The following GALNTL6 variants were observed in gnomAD, a reference collection of about 807,000 sequenced individuals.
The protein encoded by GALNTL6 is polypeptide N-acetylgalactosaminyltransferase like 6, also known as polypeptide N-acetylgalactosaminyltransferase-like 6.
Under a neutral mutation model 73.7 loss-of-function variants are expected in GALNTL6, and 46 were observed. The ratio of observed to expected loss-of-function variants is 0.62; its 90% CI spans 0.49 to 0.80. GALNTL6 has a LOEUF of 0.80. Ranked by LOEUF, GALNTL6 falls within the 30% of genes least tolerant of loss-of-function variation. The pLI, the probability that GALNTL6 is intolerant of heterozygous loss-of-function variation, is 0.00. For synonymous variants in GALNTL6, 259 were observed against 263.7 expected (o/e 0.98, Z 0.17); for missense variants, 604 against 755.0 (o/e 0.80, Z 2.34).
intron 5 of GALNTL6, among the ~76,000 whole-genome samples, chr4:172,764,683 T>TA (rs201524963): frequency 5.0e-4 from 75 of 151,330 alleles, no homozygotes; most frequent in Admixed American, 9.2e-4. Flanking sequence ...CACCTGAAAG[T>TA]AAAAAAAAAT....
chr4:172,464,493 A>AG (rs1484180735), intron 5 of GALNTL6, among the ~76,000 whole-genome samples: 3 of 152,022 alleles, frequency 2.0e-5, no homozygotes, highest in Non-Finnish European at 2.9e-5. Flanking sequence ...GGGTCACCTG[A>AG]GGTCAGGAGT....
intron 10 of GALNTL6, among the ~76,000 whole-genome samples, chr4:172,955,166 G>A (rs1483512094): frequency 6.6e-6 from 1 of 152,134 alleles, no homozygotes; most frequent in Non-Finnish European, 1.5e-5. Context: ...TCTAACTCTA[G>A]GTGGGTAATA....
chr4:171,956,247 T>C (rs955855596), intron 2 of GALNTL6, among the ~76,000 whole-genome samples: 4 of 152,150 alleles, frequency 2.6e-5, no homozygotes, highest in African/African-American at 9.7e-5. Context: ...TAAACCAATC[T>C]GCCCACTCTC....
At chr4:172,792,918 G>A (rs1188731787) in intron 5 of GALNTL6, among the ~76,000 whole-genome samples, 1 of 151,234 alleles carries the variant, frequency 6.6e-6, no homozygotes, top group Non-Finnish European at 1.5e-5. Flanking sequence ...TCAGAATTTT[G>A]TATGTCTCTA....
intron 5 of GALNTL6, among the ~76,000 whole-genome samples, chr4:172,452,029 T>A (rs1287566958): frequency 6.6e-6 from 1 of 152,056 alleles, no homozygotes; most frequent in Non-Finnish European, 1.5e-5. Flanking sequence ...ATAAATAAAA[T>A]TTTAAAAGTT....
chr4:172,264,744 A>G (rs1738394627), intron 3 of GALNTL6, among the ~76,000 whole-genome samples: 1 of 150,284 alleles, frequency 6.7e-6, no homozygotes, highest in African/African-American at 2.4e-5. Context: ...ATTTATACAG[A>G]ATGATGTTTA....
chr4:172,530,129 A>G (rs1735120425), intron 5 of GALNTL6, among the ~76,000 whole-genome samples: 1 of 152,008 alleles, frequency 6.6e-6, no homozygotes, highest in Non-Finnish European at 1.5e-5. Flanking sequence ...CTATAAGCCT[A>G]GAGCTCACTG....
At chr4:172,138,477 C>A (rs868474166) in intron 2 of GALNTL6, among the ~76,000 whole-genome samples, 1 of 8,688 alleles carries the variant, frequency 1.2e-4, no homozygotes, top group Non-Finnish European at 2.1e-4. Context: ...CTTGGACTGC[C>A]TATATATATA....
intron 2 of GALNTL6, among the ~76,000 whole-genome samples, chr4:172,124,395 A>G (rs906723029): frequency 3.9e-5 from 6 of 152,226 alleles, no homozygotes; most frequent in Non-Finnish European, 8.8e-5. Context: ...AAAAAGACTT[A>G]GAATTTTGAT....
intron 5 of GALNTL6, among the ~76,000 whole-genome samples, chr4:172,595,363 ATCT>A (rs547406844): frequency 2.0e-4 from 30 of 152,296 alleles, no homozygotes; most frequent in Admixed American, 3.3e-4. Flanking sequence ...AACTAGGCTT[ATCT>A]TCTTCTTCTA....
At chr4:172,559,214 G>A (rs995863113) in intron 5 of GALNTL6, among the ~76,000 whole-genome samples, 6 of 151,402 alleles carry the variant, frequency 4.0e-5, no homozygotes, top group African/African-American at 7.3e-5. Flanking sequence ...ACAGGCACCC[G>A]CCACCACGCC....
At chr4:171,840,291 GA>G (rs1735205345) in intron 2 of GALNTL6, among the ~76,000 whole-genome samples, 1 of 152,194 alleles carries the variant, frequency 6.6e-6, no homozygotes, top group South Asian at 2.1e-4. Context: ...GTACAGGTTT[GA>G]AAAGCAGTGT....
intron 12 of GALNTL6, among the ~76,000 whole-genome samples, chr4:173,021,917 A>G (rs887839286): frequency 6.6e-6 from 1 of 151,526 alleles, no homozygotes; most frequent in Admixed American, 6.6e-5. Flanking sequence ...CACTTTGAGC[A>G]TGGGAGGGGG....
At chr4:171,903,176 C>T (rs1340083058) in intron 2 of GALNTL6, among the ~76,000 whole-genome samples, 1 of 152,134 alleles carries the variant, frequency 6.6e-6, no homozygotes. Flanking sequence ...CGGTCTGCAG[C>T]TCCCAGCGTG....
intron 8 of GALNTL6, among the ~76,000 whole-genome samples, chr4:172,888,229 G>A (rs1561015004): frequency 6.6e-6 from 1 of 152,158 alleles, no homozygotes; most frequent in Non-Finnish European, 1.5e-5. Flanking sequence ...TGTTGCAATT[G>A]CTTTTGAGAT....
chr4:172,880,754 C>A (rs1021423468), intron 7 of GALNTL6, among the ~76,000 whole-genome samples: 2 of 152,040 alleles, frequency 1.3e-5, no homozygotes, highest in Non-Finnish European at 2.9e-5. Context: ...TCACACCAAT[C>A]AAGACAGGAG....
intron 2 of GALNTL6, among the ~76,000 whole-genome samples, chr4:171,953,427 C>T (rs1216976388): frequency 6.6e-6 from 1 of 152,044 alleles, no homozygotes; most frequent in Non-Finnish European, 1.5e-5. Context: ...AACAGAACCC[C>T]TTATGTGTTG....
intron 8 of GALNTL6, among the ~76,000 whole-genome samples, chr4:172,910,887 GT>G (rs1225131481): frequency 6.6e-6 from 1 of 152,176 alleles, no homozygotes; most frequent in Non-Finnish European, 1.5e-5. Context: ...ACTGTTTGCA[GT>G]GAATGTTCCA....
rs113359014 is a variant in GALNTL6 at position 171,903,670 on chromosome 4, G to T, written c.138+88952G>T. On this transcript the variant is annotated intron_variant, in intron 2 of 12. Transcript: ENST00000506823. ...GCTCAAGGAGGCCTGCCTGCCTCTG[G>T]AGGCTCCACCTCTGGGGGCAGGGCA... Among the ~76,000 whole-genome samples the T allele has an allele frequency of 8.8e-3, 1,300 of 148,440 alleles. 25 individuals are homozygous for T. Among genetic ancestry groups the T allele is most frequent in the African/African-American group, 0.031 (1,184 of 38,462 alleles).
Sources: allele counts gnomAD v4.1 joint callset (sites outside exome capture counted in the v4.1 genomes callset), GRCh38; gene constraint gnomAD v4.1.1; transcripts MANE v1.5; gene names NCBI Gene and HGNC (gene_info 2026-07-23, HGNC 2026-07-21).